DCC: variants seen among roughly 807,000 people sequenced by gnomAD.
DCC encodes DCC netrin 1 receptor.
Under a neutral mutation model 172.5 loss-of-function variants are expected in DCC, and 58 were observed. The observed-to-expected ratio is 0.34, with a 90% confidence interval of 0.27 to 0.42. The LOEUF (loss-of-function observed/expected upper bound fraction) is 0.42, where lower values mean the gene tolerates loss of function less well. DCC is among the 10% of genes least tolerant of loss of function. The pLI, the probability that DCC is intolerant of heterozygous loss-of-function variation, is 1.00. For missense variants in DCC, 1,740 were observed against 1,791.0 expected (o/e 0.97, Z 0.51); for synonymous variants, 709 against 644.5 (o/e 1.10, Z -1.52).
intron 1 of DCC, among the ~76,000 whole-genome samples, chr18:52,661,301 C>G (rs956294): frequency 0.022 from 3,349 of 152,260 alleles, 67 homozygotes; most frequent in East Asian, 0.093. Flanking sequence ...GACCTACAGA[C>G]TCTCCCTGGT....
At chr18:53,088,469 G>T (rs538114465) in intron 7 of DCC, among the ~76,000 whole-genome samples, 2 of 152,162 alleles carry the variant, frequency 1.3e-5, no homozygotes, top group African/African-American at 4.8e-5. Flanking sequence ...CTGAGACTTT[G>T]CTGAAGTTGC....
intron 2 of DCC, among the ~76,000 whole-genome samples, chr18:52,845,516 A>G (rs1237227368): frequency 5.3e-5 from 8 of 152,180 alleles, no homozygotes; most frequent in Admixed American, 5.2e-4. Context: ...GAAAAAGACC[A>G]TGAAAACCTC....
Position 52,752,153 on chromosome 18 carries a change from A to C in DCC, c.191A>C (p.Glu64Ala), listed in dbSNP as rs1277460641. ...AATGTCCTCCTCGACTGCTCCGCGG[A>C]GTCCGACCGAGGAGTTCCAGTGATC... is the stretch of plus-strand genomic sequence containing the variant. Reference protein sequence around the residue: ...GGNVLLDCSAESDRGVPVIKW... With the variant: ...GGNVLLDCSAASDRGVPVIKW... Residue 64 changes from glutamate (E) to alanine (A), a missense_variant, in exon 2 of 29, where the codon GAG becomes GCG. By Grantham distance (107) the Glu-to-Ala change is moderately radical (BLOSUM62 -1). Transcript: ENST00000442544. The C allele has an allele frequency of 6.2e-7, 1 of 1,614,148 alleles. No homozygotes were observed. Among genetic ancestry groups the C allele is most frequent in the East Asian group, 2.2e-5 (1 of 44,864 alleles).
At chr18:52,891,867 T>C (rs1039275299) in intron 2 of DCC, among the ~76,000 whole-genome samples, 2 of 152,150 alleles carry the variant, frequency 1.3e-5, no homozygotes, top group Non-Finnish European at 2.9e-5. Context: ...CTGAGATTCC[T>C]GCTTCCACTC....
chr18:53,116,965 A>G (rs1162240900), intron 7 of DCC, among the ~76,000 whole-genome samples: 1 of 151,726 alleles, frequency 6.6e-6, no homozygotes, highest in Non-Finnish European at 1.5e-5. Context: ...ATTTTCAACC[A>G]GCCCATCAAG....
chr18:53,495,404 A>G (rs965466410), intron 26 of DCC, among the ~76,000 whole-genome samples: 19 of 150,682 alleles, frequency 1.3e-4, no homozygotes, highest in African/African-American at 4.6e-4. Flanking sequence ...AAAAAAAAAA[A>G]AAGAAAGAAA....
In DCC at chr18:52,582,773, C is replaced by G. The variant is rs545741712; in HGVS notation, c.92-169281C>G. ...ACTCTCTTTTATAGCTAGCCACCAG[C>G]TGTGAAATTGAGACTAGTCAGGAAA... On this transcript the variant is annotated intron_variant, in intron 1 of 28. Transcript: ENST00000442544. Among the ~76,000 whole-genome samples the G allele has an allele frequency of 2.4e-3, 366 of 152,246 alleles. 2 individuals carry two copies. Among genetic ancestry groups the G allele is most frequent in the African/African-American group, 8.1e-3 (337 of 41,554 alleles).
chr18:53,300,598 T>G (rs2073999520), intron 12 of DCC, among the ~76,000 whole-genome samples: 1 of 152,052 alleles, frequency 6.6e-6, no homozygotes, highest in African/African-American at 2.4e-5. Flanking sequence ...GAAACACACA[T>G]AAAACAAGGT....
chr18:52,731,196 A>G (rs2036635174), intron 1 of DCC, among the ~76,000 whole-genome samples: 2 of 152,194 alleles, frequency 1.3e-5, no homozygotes, highest in Admixed American at 1.3e-4. Context: ...GTCCTATCCT[A>G]GACACTGTGT....
intron 1 of DCC, among the ~76,000 whole-genome samples, chr18:52,610,484 A>T (rs1474834162): frequency 4.0e-5 from 6 of 150,238 alleles, no homozygotes; most frequent in African/African-American, 1.5e-4. Context: ...GTTGGTGTAT[A>T]CTGGGTAAGA....
At chr18:52,649,241 C>T (rs2144919688) in intron 1 of DCC, among the ~76,000 whole-genome samples, 1 of 152,030 alleles carries the variant, frequency 6.6e-6, no homozygotes, top group East Asian at 1.9e-4. Context: ...GGCGTGGTGG[C>T]AGGCACCTGC....
At chr18:53,204,072 T>C (rs1043390357) in intron 9 of DCC, among the ~76,000 whole-genome samples, 3 of 141,994 alleles carry the variant, frequency 2.1e-5, no homozygotes, top group Non-Finnish European at 4.4e-5. Context: ...TGCAAATATA[T>C]AGTTACATTT....
intron 1 of DCC, among the ~76,000 whole-genome samples, chr18:52,616,960 A>T (rs1466539030): frequency 6.6e-6 from 1 of 152,190 alleles, no homozygotes; most frequent in Admixed American, 6.5e-5. Context: ...GAGACAAGAA[A>T]GGTAAATTGA....
chr18:53,138,498 T>C (rs1435826069), intron 7 of DCC, among the ~76,000 whole-genome samples: 2 of 152,240 alleles, frequency 1.3e-5, no homozygotes, highest in African/African-American at 4.8e-5. Context: ...GAAAAGGTGT[T>C]AATGAATTTC....
chr18:53,115,145 C>T (rs8089823), intron 7 of DCC, among the ~76,000 whole-genome samples: 23,526 of 151,474 alleles, frequency 0.16, 2,276 homozygotes, highest in African/African-American at 0.27. Context: ...GGGAAAAAAT[C>T]ACACTCATGG....
intron 1 of DCC, among the ~76,000 whole-genome samples, chr18:52,612,321 C>G (rs961035867): frequency 1.3e-5 from 2 of 152,080 alleles, no homozygotes; most frequent in Non-Finnish European, 2.9e-5. Context: ...TGCCAACATG[C>G]CCAATTAATC....
rs111239989 is a variant in DCC at position 53,530,748 on chromosome 18, A to G, written c.*95A>G. 1.3e-6 allele frequency: 1 copy of G among 782,280 alleles called. No individual in the cohort carries two copies. The highest frequency in any genetic ancestry group is 2.3e-6 in the Non-Finnish European group (1 of 425,958). 48.5% of individuals were successfully genotyped at this position (782,280 alleles called of 1,614,324 possible). On this transcript the variant is annotated 3_prime_UTR_variant, in exon 29 of 29. Transcript: ENST00000442544. The stretch of plus-strand genomic sequence containing the variant: ...ACACCTGTGTCCAAGAACTCTAACC[A>G]GTGTACAGGTCACCCATCAGGACCA...
intron 1 of DCC, among the ~76,000 whole-genome samples, chr18:52,727,185 A>G (rs1323514260): frequency 1.3e-5 from 2 of 152,202 alleles, no homozygotes; most frequent in Non-Finnish European, 2.9e-5. Context: ...GAAATGAAAA[A>G]TTACTTTTCC....
chr18:53,062,082 TAATA>T lies in DCC; in HGVS notation c.986-1217_986-1214del, dbSNP rs201841076. Among the ~76,000 whole-genome samples, 881 of 152,222 alleles carry T rather than the reference TAATA, an allele frequency of 5.8e-3. 6 individuals carry two copies. Among genetic ancestry groups the T allele is most frequent in the African/African-American group, 0.02 (827 of 41,564 alleles). ...GCCTTATACTAATATCATCAATAAT[TAATA>T]AATAATTTTAGCCAAGTTGTTTAGA... On this transcript the variant is annotated intron_variant, in intron 5 of 28. Coordinates refer to ENST00000442544, the MANE Select transcript of DCC (RefSeq NM_005215.4).
Sources: allele counts gnomAD v4.1 joint callset (sites outside exome capture counted in the v4.1 genomes callset), GRCh38; gene constraint gnomAD v4.1.1; transcripts MANE v1.5; gene names NCBI Gene and HGNC (gene_info 2026-07-23, HGNC 2026-07-21).